RABL3: variants seen among roughly 807,000 people sequenced by gnomAD.
The protein encoded by RABL3 is rab-like protein 3.
In RABL3, 31 loss-of-function variants were observed where a neutral mutation model predicts 31.8. The ratio of observed to expected loss-of-function variants is 0.97; its 90% CI spans 0.73 to 1.31. The LOEUF (loss-of-function observed/expected upper bound fraction) is 1.31, where lower values mean the gene tolerates loss of function less well. RABL3 is among the 40% of genes most tolerant of loss of function. RABL3 has a pLI of 0.00. For synonymous variants in RABL3, 97 were observed against 99.9 expected (o/e 0.97, Z 0.18); for missense variants, 263 against 279.6 (o/e 0.94, Z 0.42).
chr3:120,737,082 G>A lies in RABL3; in HGVS notation c.46+5380C>T, dbSNP rs529253167. Among the ~76,000 whole-genome samples, 11 of 152,258 alleles carry A rather than the reference G, an allele frequency of 7.2e-5. No homozygotes were observed. The South Asian group carries it at 8.3e-4, about 11-fold the overall frequency. On this transcript the variant is annotated intron_variant, in intron 1 of 7. Transcript: ENST00000273375. ...TTTGAATGTTGGCCTGCCTTGCTAC[G>A]TTGGGGAACTTCTCCTGGATAATAT... is the stretch of plus-strand genomic sequence containing the variant.
intron 5 of RABL3, 86 bp from the exon 6 acceptor site, chr3:120,694,310 T>TATA: frequency 1.2e-6 from 1 of 854,530 alleles, no homozygotes. Context: ...TGCATATTTC[T>TATA]GTAGGCATAA....
intron 2 of RABL3, among the ~76,000 whole-genome samples, chr3:120,717,928 G>T (rs889556882): frequency 2.8e-4 from 43 of 152,174 alleles, no homozygotes; most frequent in African/African-American, 8.7e-4. Context: ...ACATACAGGG[G>T]ACTGCTGAGA....
chr3:120,711,996 G>A (rs1202413595), intron 2 of RABL3, among the ~76,000 whole-genome samples: 1 of 151,944 alleles, frequency 6.6e-6, no homozygotes, highest in Non-Finnish European at 1.5e-5. Flanking sequence ...TGTATTATGT[G>A]ATTTCTAAAG....
chr3:120,739,477 C>A (rs1709015237), intron 1 of RABL3, among the ~76,000 whole-genome samples: 1 of 152,092 alleles, frequency 6.6e-6, no homozygotes, highest in African/African-American at 2.4e-5. Context: ...TCTGGCAAAT[C>A]AGTTGTTTTT....
chr3:120,718,626 A>G (rs1283074185), intron 2 of RABL3, among the ~76,000 whole-genome samples: 3 of 152,268 alleles, frequency 2.0e-5, no homozygotes, highest in African/African-American at 7.2e-5. Flanking sequence ...CTGAGTCAGA[A>G]TATCTGGGGG....
At chr3:120,710,693 A>G (rs1708603633) in intron 2 of RABL3, 3 of 152,100 alleles carry the variant, frequency 2.0e-5, no homozygotes, top group Non-Finnish European at 4.4e-5. Context: ...TCTCCCTTAT[A>G]CCATCAAATT....
chr3:120,715,189 A>G (rs1224256987), intron 2 of RABL3, among the ~76,000 whole-genome samples: 1 of 152,174 alleles, frequency 6.6e-6, no homozygotes, highest in Non-Finnish European at 1.5e-5. Flanking sequence ...TTGAACTACT[A>G]TAACACTTGT....
chr3:120,730,180 C>T (rs1315249400), intron 2 of RABL3, among the ~76,000 whole-genome samples: 2 of 152,148 alleles, frequency 1.3e-5, no homozygotes, highest in Non-Finnish European at 2.9e-5. Flanking sequence ...AGAGGTGTGC[C>T]AGCAGATGAG....
intron 4 of RABL3, among the ~76,000 whole-genome samples, chr3:120,700,004 G>T (rs888640293): frequency 6.6e-6 from 1 of 152,116 alleles, no homozygotes; most frequent in Non-Finnish European, 1.5e-5. Flanking sequence ...CATCTTTGAT[G>T]TACATACATC....
intron 1 of RABL3, among the ~76,000 whole-genome samples, chr3:120,740,298 A>C (rs945608337): frequency 1.3e-5 from 2 of 152,126 alleles, no homozygotes; most frequent in Non-Finnish European, 2.9e-5. Flanking sequence ...GTCTCACTCT[A>C]TCACCCAGGC....
chr3:120,703,341 C>T (rs984011754), intron 4 of RABL3, among the ~76,000 whole-genome samples: 2 of 152,036 alleles, frequency 1.3e-5, no homozygotes, highest in African/African-American at 4.8e-5. Flanking sequence ...CATTTCTAAA[C>T]AGCCTATGGG....
intron 2 of RABL3, among the ~76,000 whole-genome samples, chr3:120,719,941 G>C (rs989794737): frequency 6.6e-6 from 1 of 152,152 alleles, no homozygotes; most frequent in Admixed American, 6.5e-5. Flanking sequence ...CCCCCAGTAG[G>C]GGCAGACTGA....
In RABL3 at chr3:120,684,974, A is replaced by G. The variant is rs1417606866; in HGVS notation, c.*4849T>C. Among the ~76,000 whole-genome samples, 1 of 152,248 alleles carries G rather than the reference A, an allele frequency of 6.6e-6. No individual in the cohort carries two copies. The highest frequency in any genetic ancestry group is 3.2e-3 in the Middle Eastern group (1 of 316). On this transcript the variant is annotated 3_prime_UTR_variant, in exon 8 of 8. Transcript: ENST00000273375. ...TGTCTAATGGCTTTCCATTTTAATT[A>G]ATGTAATTATACATTCATTTATTTA...
At chr3:120,711,660 C>T (rs1310122162) in intron 2 of RABL3, among the ~76,000 whole-genome samples, 2 of 152,124 alleles carry the variant, frequency 1.3e-5, no homozygotes, top group African/African-American at 2.4e-5. Context: ...TACTGTATAA[C>T]TATTCAGAAA....
At chr3:120,732,804 CAA>C (rs1415617844) in intron 1 of RABL3, among the ~76,000 whole-genome samples, 1 of 149,870 alleles carries the variant, frequency 6.7e-6, no homozygotes, top group Admixed American at 6.7e-5. Context: ...TGAGTGAGAA[CAA>C]GTGGTGTTTG....
intron 1 of RABL3, among the ~76,000 whole-genome samples, chr3:120,733,192 G>A (rs371077357): frequency 5.9e-5 from 9 of 152,130 alleles, no homozygotes; most frequent in South Asian, 2.1e-4. Context: ...GTGTAGAAGC[G>A]TTCCTATTTC....
chr3:120,707,195 T>C (rs890502847), intron 3 of RABL3, among the ~76,000 whole-genome samples: 1 of 152,124 alleles, frequency 6.6e-6, no homozygotes, highest in Non-Finnish European at 1.5e-5. Flanking sequence ...TCTGTGTAAC[T>C]AAAGGGCTTG....
At chr3:120,697,562 T>C (rs1708450579) in intron 5 of RABL3, among the ~76,000 whole-genome samples, 1 of 152,256 alleles carries the variant, frequency 6.6e-6, no homozygotes, top group South Asian at 2.1e-4. Context: ...AGGATCTTTT[T>C]CTGGGATCCT....
chr3:120,692,173 T>C (rs1032363052), intron 6 of RABL3, among the ~76,000 whole-genome samples: 45 of 151,794 alleles, frequency 3.0e-4, no homozygotes, highest in Non-Finnish European at 1.0e-4. Context: ...GGAGAAGGAG[T>C]TAGACTTCCT....
Sources: gnomAD v4.1 joint callset for allele counts (sites outside exome capture counted in the v4.1 genomes callset) on GRCh38, gnomAD v4.1.1 for gene constraint, MANE v1.5 for transcripts, NCBI Gene and HGNC (gene_info 2026-07-23, HGNC 2026-07-21) for gene names.